The following CTNNA3 variants were observed in gnomAD, a reference collection of about 807,000 sequenced individuals.
The protein encoded by CTNNA3 is catenin alpha 3.
CTNNA3 carries 76 observed loss-of-function variants against 95.7 expected under a neutral mutation model. The observed-to-expected ratio is 0.79, with a 90% CI of 0.66 to 0.96. The LOEUF (loss-of-function observed/expected upper bound fraction) is 0.96. CTNNA3 is among the 40% of genes least tolerant of loss of function. CTNNA3 has a pLI of 0.00. For missense variants in CTNNA3, 1,191 were observed against 1,089.8 expected, an observed-to-expected ratio of 1.09 and a Z score of -1.31; for synonymous variants, 431 against 374.4, an observed-to-expected ratio of 1.15 and a Z score of -1.74.
At chr10:65,930,686 T>C (rs1046151312) in intron 17 of CTNNA3, among the ~76,000 whole-genome samples, 3 of 152,166 alleles carry the variant, frequency 2.0e-5, no homozygotes, top group Non-Finnish European at 2.9e-5. Flanking sequence ...ATTCATACTC[T>C]CATTCAAAGA....
chr10:65,984,166 AT>A (rs2078378926), intron 16 of CTNNA3, among the ~76,000 whole-genome samples: 2 of 151,380 alleles, frequency 1.3e-5, no homozygotes, highest in African/African-American at 4.8e-5. Flanking sequence ...GAAATATTAA[AT>A]TGATCAAAAG....
chr10:67,746,933 T>C (rs967540126), intron 1 of CTNNA3, among the ~76,000 whole-genome samples: 14 of 152,130 alleles, frequency 9.2e-5, no homozygotes, highest in African/African-American at 3.4e-4. Flanking sequence ...GCACCATTTT[T>C]CCCCTGCTGG....
At chr10:66,336,321 C>T (rs1769241705) in intron 12 of CTNNA3, among the ~76,000 whole-genome samples, 1 of 152,078 alleles carries the variant, frequency 6.6e-6, no homozygotes, top group Admixed American at 6.6e-5. Context: ...TTCTGCATCA[C>T]CCATGCTGGG....
chr10:67,469,087 T>C (rs572603833), intron 5 of CTNNA3, among the ~76,000 whole-genome samples: 1 of 152,300 alleles, frequency 6.6e-6, no homozygotes, highest in Admixed American at 6.5e-5. Flanking sequence ...CCAATGCTAA[T>C]TTTTTGAAAA....
chr10:66,935,049 A>G (rs748836700), intron 7 of CTNNA3, among the ~76,000 whole-genome samples: 3 of 152,078 alleles, frequency 2.0e-5, no homozygotes, highest in Non-Finnish European at 1.5e-5. Flanking sequence ...GCCCTCATGT[A>G]GCTAAAAAAG....
intron 5 of CTNNA3, among the ~76,000 whole-genome samples, chr10:67,288,754 A>G (rs1839705503): frequency 6.6e-6 from 1 of 152,186 alleles, no homozygotes; most frequent in South Asian, 2.1e-4. Context: ...GGACCCAAAG[A>G]AAGTTTTCAG....
chr10:67,597,533 G>A (rs1911358), intron 3 of CTNNA3, among the ~76,000 whole-genome samples: 15,111 of 152,196 alleles, frequency 0.099, 1,499 homozygotes, highest in African/African-American at 0.26. Context: ...GAAGGTCAAG[G>A]CTCAGCTCAT....
chr10:67,469,710 T>C (rs1321846580), intron 5 of CTNNA3, among the ~76,000 whole-genome samples: 2 of 152,200 alleles, frequency 1.3e-5, no homozygotes, highest in Admixed American at 1.3e-4. Flanking sequence ...TATATCTATG[T>C]AATAAACCTG....
At chr10:66,315,777 A>C (rs751944573) in intron 12 of CTNNA3, among the ~76,000 whole-genome samples, 15 of 152,102 alleles carry the variant, frequency 9.9e-5, no homozygotes, top group Non-Finnish European at 2.1e-4. Flanking sequence ...AAAGGTAACA[A>C]GTTTATTCTC....
intron 1 of CTNNA3, among the ~76,000 whole-genome samples, chr10:67,689,626 C>T (rs1251373181): frequency 2.0e-5 from 3 of 152,080 alleles, no homozygotes; most frequent in Admixed American, 1.3e-4. Context: ...CCACTCATGG[C>T]CGCAGGGTCA....
chr10:65,953,525 TC>T (rs2077663767), intron 17 of CTNNA3, among the ~76,000 whole-genome samples: 1 of 152,052 alleles, frequency 6.6e-6, no homozygotes, highest in Non-Finnish European at 1.5e-5. Flanking sequence ...CCTAATGCTA[TC>T]CCTCCCCCCT....
intron 11 of CTNNA3, among the ~76,000 whole-genome samples, chr10:66,516,376 C>A (rs750860870): frequency 5.3e-5 from 8 of 152,140 alleles, no homozygotes; most frequent in Non-Finnish European, 1.2e-4. Context: ...TGTTTAATGG[C>A]CATTTCTCTT....
Position 66,276,472 on chromosome 10 carries a change from A to G in CTNNA3, c.1884+3998T>C, listed in dbSNP as rs1401795859. 3.9e-5 allele frequency among the ~76,000 whole-genome samples: 6 copies of G among 152,270 alleles called. No individual in the cohort carries two copies. The East Asian group carries it at 1.2e-3, about 29-fold the overall frequency. ...AATGTCTTTTACCAAAAAAAGATGA[A>G]CATTGAGAGTTCAGTTCTCATTTAT... On this transcript the variant is annotated intron_variant, in intron 13 of 17. Coordinates refer to ENST00000433211, the MANE Select transcript of CTNNA3 (RefSeq NM_013266.4).
At chr10:66,652,018 T>C (rs1845924509) in intron 9 of CTNNA3, among the ~76,000 whole-genome samples, 1 of 144,426 alleles carries the variant, frequency 6.9e-6, no homozygotes, top group African/African-American at 2.6e-5. Flanking sequence ...AAAGCAGTTC[T>C]AAGATAGAAG....
chr10:67,259,118 A>G (rs904410849), intron 5 of CTNNA3, among the ~76,000 whole-genome samples: 3 of 152,190 alleles, frequency 2.0e-5, no homozygotes, highest in Non-Finnish European at 2.9e-5. Flanking sequence ...ATAGGAAACC[A>G]GTGGATTCAG....
intron 10 of CTNNA3, among the ~76,000 whole-genome samples, chr10:66,617,929 A>G (rs544265648): frequency 6.6e-6 from 1 of 151,818 alleles, no homozygotes; most frequent in South Asian, 2.1e-4. Flanking sequence ...AGACAAACAG[A>G]GAGCCAAATC....
chr10:66,215,115 G>A (rs928844461), intron 13 of CTNNA3, among the ~76,000 whole-genome samples: 5 of 152,044 alleles, frequency 3.3e-5, no homozygotes, highest in East Asian at 3.9e-4. Flanking sequence ...CACAGAGTAA[G>A]GAACAAGAAA....
At chr10:65,960,938 A>G (rs186735929) in intron 17 of CTNNA3, among the ~76,000 whole-genome samples, 1,843 of 152,242 alleles carry the variant, frequency 0.012, 16 homozygotes, top group Non-Finnish European at 0.018. Flanking sequence ...TCTTAATTCA[A>G]CTTCATCCTG....
At chr10:67,760,739 G>T (rs1162638443) in intron 1 of CTNNA3, among the ~76,000 whole-genome samples, 4 of 152,084 alleles carry the variant, frequency 2.6e-5, no homozygotes, top group Admixed American at 6.5e-5. Context: ...TCTCATAGGA[G>T]CATGAACCCT....
Sources: gnomAD v4.1 joint callset for allele counts (sites outside exome capture counted in the v4.1 genomes callset) on GRCh38, gnomAD v4.1.1 for gene constraint, MANE v1.5 for transcripts, NCBI Gene and HGNC (gene_info 2026-07-23, HGNC 2026-07-21) for gene names.